The following CMBL variants were observed in gnomAD, a reference collection of about 807,000 sequenced individuals.
CMBL encodes the protein carboxymethylenebutenolidase homolog (Pseudomonas).
Under a neutral mutation model 28.7 loss-of-function variants are expected in CMBL, and 17 were observed. The observed-to-expected ratio is 0.59, with a 90% CI of 0.41 to 0.89. The LOEUF (loss-of-function observed/expected upper bound fraction) is 0.89. CMBL is among the 40% of genes least tolerant of loss of function. The pLI, the probability that CMBL is intolerant of heterozygous loss-of-function variation, is 0.00. For synonymous variants in CMBL, 106 were observed against 101.6 expected (o/e 1.04, Z -0.26); for missense variants, 310 against 298.5 (o/e 1.04, Z -0.28).
chr5:10,299,111 A>G (rs1425596891), intron 1 of CMBL, among the ~76,000 whole-genome samples: 1 of 152,216 alleles, frequency 6.6e-6, no homozygotes, highest in Non-Finnish European at 1.5e-5. Context: ...ATTAATATCA[A>G]GATAAAAGTC....
intron 1 of CMBL, among the ~76,000 whole-genome samples, chr5:10,295,700 A>G (rs1006375587): frequency 6.6e-6 from 1 of 152,168 alleles, no homozygotes; most frequent in East Asian, 1.9e-4. Context: ...CAAACCAGAA[A>G]CAGGCCCTCA....
At chr5:10,299,271 T>C (rs538933791) in intron 1 of CMBL, among the ~76,000 whole-genome samples, 2 of 151,896 alleles carry the variant, frequency 1.3e-5, no homozygotes, top group Admixed American at 1.3e-4. Flanking sequence ...GAATGGGCAA[T>C]TTACAAAAAA....
chr5:10,290,018 T>C (rs1219411286), intron 2 of CMBL, among the ~76,000 whole-genome samples: 1 of 152,178 alleles, frequency 6.6e-6, no homozygotes, highest in East Asian at 1.9e-4. Flanking sequence ...AAGGTGGCCA[T>C]GGCCACTTGG....
At chr5:10,288,065 T>C (rs1746637051) in intron 3 of CMBL, among the ~76,000 whole-genome samples, 1 of 148,674 alleles carries the variant, frequency 6.7e-6, no homozygotes, top group Non-Finnish European at 1.5e-5. Context: ...TCCCAGCACT[T>C]GAGACCAGCC....
At chr5:10,284,207 GA>G (rs1042810923) in intron 4 of CMBL, among the ~76,000 whole-genome samples, 11 of 152,214 alleles carry the variant, frequency 7.2e-5, no homozygotes, top group Admixed American at 3.9e-4. Context: ...ATCCACTCCC[GA>G]CCGCCTTTTG....
chr5:10,287,018 C>T (rs1746616912), intron 3 of CMBL, among the ~76,000 whole-genome samples: 1 of 152,206 alleles, frequency 6.6e-6, no homozygotes, highest in Non-Finnish European at 1.5e-5. Flanking sequence ...TGCTCGTCTC[C>T]TCCCCCTGCC....
chr5:10,282,146 C>T (rs375899279), intron 5 of CMBL, 51 bp downstream of exon 5: 35 of 1,286,496 alleles, frequency 2.7e-5, no homozygotes, highest in African/African-American at 4.4e-5. Flanking sequence ...GGCGACAGAG[C>T]GAGACTCCAT....
intron 3 of CMBL, among the ~76,000 whole-genome samples, chr5:10,287,460 T>G: frequency 7.6e-6 from 1 of 131,466 alleles, no homozygotes; most frequent in African/African-American, 3.0e-5. Flanking sequence ...GCACATAGAG[T>G]GATATAATGG....
intron 4 of CMBL, among the ~76,000 whole-genome samples, chr5:10,283,329 T>C (rs1320933965): frequency 6.6e-6 from 1 of 152,154 alleles, no homozygotes; most frequent in Admixed American, 6.5e-5. Flanking sequence ...GTTTCTCAGG[T>C]CTACACAAGT....
chr5:10,305,702 G>A (rs889454565), intron 1 of CMBL, among the ~76,000 whole-genome samples: 1 of 152,140 alleles, frequency 6.6e-6, no homozygotes, highest in African/African-American at 2.4e-5. Flanking sequence ...CTCCTGAGTA[G>A]CTGGGATTAT....
chr5:10,283,369 T>C (rs1395741235), intron 4 of CMBL, among the ~76,000 whole-genome samples: 1 of 152,074 alleles, frequency 6.6e-6, no homozygotes, highest in Non-Finnish European at 1.5e-5. Flanking sequence ...ATGCACTGAG[T>C]AGTTTTGTTG....
At chr5:10,299,689 A>T (rs1031205164) in intron 1 of CMBL, among the ~76,000 whole-genome samples, 1 of 151,898 alleles carries the variant, frequency 6.6e-6, no homozygotes, top group Non-Finnish European at 1.5e-5. Context: ...AAAAAAAAAA[A>T]AGCAGAAAAA....
At chr5:10,286,192 A>C (rs1746601635) in intron 4 of CMBL, 162 bp downstream of exon 4, 1 of 677,144 alleles carries the variant, frequency 1.5e-6, no homozygotes, top group African/African-American at 1.8e-5. Context: ...CTGCATGACA[A>C]ACCTCCACCT....
intron 4 of CMBL, among the ~76,000 whole-genome samples, chr5:10,285,150 T>C (rs114747539): frequency 0.021 from 3,199 of 152,022 alleles, 104 homozygotes; most frequent in African/African-American, 0.071. Context: ...ACCACAGGCA[T>C]GTGCCAGTAC....
chr5:10,282,723 G>A (rs13159742), intron 4 of CMBL, among the ~76,000 whole-genome samples: 83,721 of 151,954 alleles, frequency 0.55, 25,639 homozygotes, highest in Non-Finnish European at 0.7. Context: ...AGTTGAGGCT[G>A]CAGTGAGCCG....
rs746623497 is a variant in CMBL, at chr5:10,288,445, T to G, written c.300A>C (p.Thr100=). Residue 100 remains threonine (T), a synonymous_variant, in exon 3 of 6, where the codon ACA becomes ACC. Transcript: ENST00000296658. The part of the protein sequence containing the change: ...DWSIFPEWLK[T]RNAQKIDREI... ...ACCTATCGATCTTCTGGGCATTTCTTGTTTTCAGCCACTCAGGGAAGATAG... is the reference window on the plus strand; with the variant it reads ...ACCTATCGATCTTCTGGGCATTTCTGGTTTTCAGCCACTCAGGGAAGATAG... 1.9e-5 allele frequency: 30 copies of G among 1,613,766 alleles called. No homozygotes were observed. The highest frequency in any genetic ancestry group is 2.5e-5 in the Non-Finnish European group (30 of 1,179,876).
At chr5:10,305,204 C>T (rs1026956849) in intron 1 of CMBL, among the ~76,000 whole-genome samples, 5 of 152,122 alleles carry the variant, frequency 3.3e-5, no homozygotes, top group African/African-American at 1.2e-4. Context: ...TGTGGAGTGC[C>T]CTGCAGGACA....
rs779443738 is a variant in CMBL at position 10,290,506 on chromosome 5, A to G, written c.215+42T>C. The stretch of plus-strand genomic sequence containing the variant: ...AAAGGGAACAAAATAAACCACTGAA[A>G]TTTGTATGAATTTAAACAAAGAAAC... On this transcript the variant is annotated intron_variant, in intron 2 of 5. Transcript: ENST00000296658. 9.1e-6 allele frequency: 14 copies of G among 1,540,256 alleles called. No homozygotes were observed. In the African/African-American group the frequency reaches 1.9e-4, roughly 21 times the overall value.
rs1370834544 is a variant in CMBL, at chr5:10,278,430, C to T, written c.*2023G>A. Among the ~76,000 whole-genome samples the T allele has an allele frequency of 6.6e-6, 1 of 152,108 alleles. No homozygotes were observed. The highest frequency in any genetic ancestry group is 1.5e-5 in the Non-Finnish European group (1 of 68,032). On this transcript the variant is annotated 3_prime_UTR_variant, in exon 6 of 6. Coordinates refer to ENST00000296658, the MANE Select transcript of CMBL (RefSeq NM_138809.4). ...CACATGGACCATGCCGATATCCTAC[C>T]CACACCGACCCCTCTCAGTCACAGC...
Sources: allele counts gnomAD v4.1 joint callset (sites outside exome capture counted in the v4.1 genomes callset), GRCh38; gene constraint gnomAD v4.1.1; transcripts MANE v1.5; gene names NCBI Gene and HGNC (gene_info 2026-07-23, HGNC 2026-07-21).